SCN11A: variants seen among roughly 807,000 people sequenced by gnomAD.
SCN11A encodes sodium voltage-gated channel alpha subunit 11.
SCN11A carries 122 observed loss-of-function variants against 162.2 expected under a neutral mutation model. The ratio of observed to expected loss-of-function variants is 0.75; its 90% CI spans 0.65 to 0.87. SCN11A has a LOEUF of 0.87. Ranked by LOEUF, SCN11A falls within the 40% of genes least tolerant of loss-of-function variation. The pLI is 0.00. For missense variants in SCN11A, 2,015 were observed against 2,181.6 expected (o/e 0.92, Z 1.52); for synonymous variants, 758 against 751.5 (o/e 1.01, Z -0.14).
At chr3:38,983,273 A>C (rs955906589) in intron 2 of SCN11A, among the ~76,000 whole-genome samples, 2 of 152,156 alleles carry the variant, frequency 1.3e-5, no homozygotes, top group Admixed American at 6.5e-5. Context: ...CCTTCACCAG[A>C]GTGGTCAGGC....
chr3:38,950,379 G>C lies in SCN11A; in HGVS notation c.-7-10C>G, dbSNP rs1382839627. The C allele has an allele frequency of 1.2e-6, 2 of 1,612,130 alleles. No individual in the cohort carries two copies. Among genetic ancestry groups the C allele is most frequent in the Non-Finnish European group, 1.7e-6 (2 of 1,179,650 alleles). On this transcript the variant is annotated splice_polypyrimidine_tract_variant and intron_variant, in intron 4 of 29. Transcript: ENST00000302328. The stretch of plus-strand genomic sequence containing the variant: ...GTCATCCATCTTCACCCTCAGGACA[G>C]AGACAAGCCACAGATCCTCAGAAAG...
chr3:38,983,307 G>A (rs2030125720), intron 2 of SCN11A, among the ~76,000 whole-genome samples: 1 of 152,110 alleles, frequency 6.6e-6, no homozygotes, highest in African/African-American at 2.4e-5. Flanking sequence ...TCAGACCTAG[G>A]CAAAAGGTGC....
At chr3:39,051,162 GGTTT>G (rs977267313) in intron 1 of SCN11A, among the ~76,000 whole-genome samples, 1 of 151,728 alleles carries the variant, frequency 6.6e-6, no homozygotes, top group African/African-American at 2.4e-5. Flanking sequence ...TACAAGTGCA[GGTTT>G]GTTATATAGG....
chr3:38,933,482 T>A (rs1213859547), intron 7 of SCN11A, among the ~76,000 whole-genome samples: 2 of 151,900 alleles, frequency 1.3e-5, no homozygotes, highest in Non-Finnish European at 2.9e-5. Context: ...TTGAAAAAAA[T>A]TTAGACGAAA....
At chr3:39,007,726 C>T (rs1204064127) in intron 2 of SCN11A, among the ~76,000 whole-genome samples, 1 of 152,210 alleles carries the variant, frequency 6.6e-6, no homozygotes, top group African/African-American at 2.4e-5. Flanking sequence ...CCCTATGTAC[C>T]TCTTCATCTG....
At chr3:38,937,116 T>G (rs1559543968) in intron 7 of SCN11A, among the ~76,000 whole-genome samples, 2 of 151,948 alleles carry the variant, frequency 1.3e-5, no homozygotes, top group Non-Finnish European at 1.5e-5. Context: ...AAACAAGCAA[T>G]GGGGAAAGGA....
At position 38,886,151 on chromosome 3, in the gene SCN11A, G is replaced by A. The variant is rs1183185480; in HGVS notation, c.2923C>T (p.His975Tyr). Residue 975 changes from histidine (H) to tyrosine (Y), a missense_variant, in exon 20 of 30, where the codon CAT (histidine) becomes TAT (tyrosine). Physicochemically the swap from His to Tyr is moderately conservative, Grantham distance 83. Coordinates refer to ENST00000302328, the MANE Select transcript of SCN11A (RefSeq NM_001349253.2). ...TTTCGGGGATCCTGTATGGTCAGAT[G>A]AGGCTCATCTTCAGAGAACATGTCA... ...EIDMFSEDEP[H>Y]LTIQDPRKKS... The A allele has an allele frequency of 6.2e-6, 10 of 1,612,702 alleles. No individual in the cohort carries two copies. The highest frequency in any genetic ancestry group is 8.5e-6 in the Non-Finnish European group (10 of 1,179,556).
intron 29 of SCN11A, among the ~76,000 whole-genome samples, chr3:38,849,072 A>G (rs963377318): frequency 2.6e-5 from 4 of 152,200 alleles, no homozygotes; most frequent in Non-Finnish European, 5.9e-5. Flanking sequence ...TACAGCATGT[A>G]TAACTGCAAT....
chr3:38,891,173 T>C (rs1249264432), intron 19 of SCN11A, among the ~76,000 whole-genome samples: 3 of 152,056 alleles, frequency 2.0e-5, no homozygotes, highest in Admixed American at 6.5e-5. Context: ...AAAGATACTA[T>C]GACCATATAC....
chr3:38,848,493 C>T (rs7629694), intron 29 of SCN11A, among the ~76,000 whole-genome samples: 6,360 of 152,188 alleles, frequency 0.042, 460 homozygotes, highest in African/African-American at 0.15. Flanking sequence ...CAGCAGAATG[C>T]TCTGCTGTCA....
intron 28 of SCN11A, among the ~76,000 whole-genome samples, chr3:38,858,824 T>C (rs2064915883): frequency 6.6e-6 from 1 of 152,046 alleles, no homozygotes; most frequent in Non-Finnish European, 1.5e-5. Context: ...TCAAGTATCC[T>C]CTCAGACCAC....
chr3:38,920,993 G>C (rs1280987009), intron 10 of SCN11A, 83 bp downstream of exon 10: 1 of 1,267,072 alleles, frequency 7.9e-7, no homozygotes, highest in Non-Finnish European at 1.1e-6. Flanking sequence ...CTCTGTAAGG[G>C]AAGTGTGAAG....
At chr3:38,889,669 C>T (rs1019466860) in intron 19 of SCN11A, among the ~76,000 whole-genome samples, 10 of 143,816 alleles carry the variant, frequency 7.0e-5, no homozygotes, top group South Asian at 2.3e-4. Flanking sequence ...GTGTGGTGGC[C>T]GGCGCCTGTC....
chr3:38,977,818 T>TA lies in SCN11A; in HGVS notation c.-279-17396_-279-17395insT, dbSNP rs2125589259. Among the ~76,000 whole-genome samples the TA allele has an allele frequency of 1.3e-5, 2 of 152,302 alleles. 1 individual carries two copies. Among genetic ancestry groups the TA allele is most frequent in the South Asian group, 4.2e-4 (2 of 4,816 alleles). ...ATTAATCAGCAGATAAGCCATTCTT[T>TA]CAAAGGCATAGCTCAAGTTTACCTC... On this transcript the variant is annotated intron_variant, in intron 2 of 29. Transcript: ENST00000302328.
At chr3:39,037,450 TTGTA>T (rs1479006853) in intron 1 of SCN11A, among the ~76,000 whole-genome samples, 1 of 152,172 alleles carries the variant, frequency 6.6e-6, no homozygotes, top group Non-Finnish European at 1.5e-5. Flanking sequence ...TTATAATTTG[TTGTA>T]TGTTTTAGAA....
chr3:39,002,307 T>C (rs1265821538), intron 2 of SCN11A, among the ~76,000 whole-genome samples: 1 of 152,244 alleles, frequency 6.6e-6, no homozygotes, highest in Admixed American at 6.5e-5. Flanking sequence ...GTCTATAATA[T>C]GACCCACAAC....
intron 2 of SCN11A, among the ~76,000 whole-genome samples, chr3:38,973,071 T>A (rs1395292081): frequency 1.3e-5 from 2 of 152,200 alleles, no homozygotes; most frequent in Non-Finnish European, 2.9e-5. Flanking sequence ...TACAAGATAG[T>A]TTAATAATTA....
chr3:39,011,597 T>C (rs1464371151), intron 2 of SCN11A, among the ~76,000 whole-genome samples: 4 of 152,248 alleles, frequency 2.6e-5, no homozygotes, highest in Non-Finnish European at 5.9e-5. Flanking sequence ...TTAGTTTCTA[T>C]AGGGAACCAA....
rs182454396 is a variant in SCN11A, at chr3:38,966,717, G to C, written c.-279-6294C>G. 2.0e-5 allele frequency among the ~76,000 whole-genome samples: 3 copies of C among 152,210 alleles called. No homozygotes were observed. The East Asian group carries it at 5.8e-4, about 29-fold the overall frequency. On this transcript the variant is annotated intron_variant, in intron 2 of 29. Transcript: ENST00000302328. ...TAGAACTTATGCCTTCTACCTAACC[G>C]TATGTTTGTACCCACTGACCAATCT...
Sources: gnomAD v4.1 joint callset for allele counts (sites outside exome capture counted in the v4.1 genomes callset) on GRCh38, gnomAD v4.1.1 for gene constraint, MANE v1.5 for transcripts, NCBI Gene and HGNC (gene_info 2026-07-23, HGNC 2026-07-21) for gene names.